Variants in HS6ST3 observed in about 807,000 individuals in gnomAD.
The protein encoded by HS6ST3 is heparan sulfate 6-O-sulfotransferase 3.
Under a neutral mutation model 36.7 loss-of-function variants are expected in HS6ST3, and 12 were observed. That is an observed-to-expected ratio of 0.33 (90% confidence interval 0.21 to 0.53). The LOEUF is 0.53. Ranked by LOEUF, HS6ST3 falls within the 20% of genes least tolerant of loss-of-function variation. The pLI is 0.95. For synonymous variants in HS6ST3, 240 were observed against 257.5 expected, an observed-to-expected ratio of 0.93 and a Z score of 0.65; for missense variants, 584 against 640.9, an observed-to-expected ratio of 0.91 and a Z score of 0.96.
At chr13:96,790,233 A>G (rs1471785298) in intron 1 of HS6ST3, among the ~76,000 whole-genome samples, 2 of 150,308 alleles carry the variant, frequency 1.3e-5, no homozygotes, top group Non-Finnish European at 3.0e-5. Flanking sequence ...ATATTTTTTC[A>G]AACTTTTTCT....
At chr13:96,772,607 T>G (rs1312366450) in intron 1 of HS6ST3, among the ~76,000 whole-genome samples, 1 of 152,218 alleles carries the variant, frequency 6.6e-6, no homozygotes, top group East Asian at 1.9e-4. Flanking sequence ...AAGCACCTTC[T>G]GTGAGCAATG....
At chr13:96,743,373 A>G (rs1002066214) in intron 1 of HS6ST3, among the ~76,000 whole-genome samples, 6 of 152,088 alleles carry the variant, frequency 3.9e-5, no homozygotes, top group East Asian at 1.9e-4. Flanking sequence ...GGCAATCCCA[A>G]TATTGACTTG....
chr13:96,114,645 A>G (rs2053885531), intron 1 of HS6ST3, among the ~76,000 whole-genome samples: 1 of 152,166 alleles, frequency 6.6e-6, no homozygotes, highest in African/African-American at 2.4e-5. Flanking sequence ...TACATGAGCT[A>G]GTGTTTGCAA....
chr13:96,309,794 A>G (rs2054931428), intron 1 of HS6ST3, among the ~76,000 whole-genome samples: 2 of 152,148 alleles, frequency 1.3e-5, no homozygotes, highest in African/African-American at 2.4e-5. Context: ...TCAACACTGT[A>G]TTCAATTTTT....
chr13:96,470,588 C>G (rs1350639007), intron 1 of HS6ST3, among the ~76,000 whole-genome samples: 1 of 152,146 alleles, frequency 6.6e-6, no homozygotes, highest in Admixed American at 6.5e-5. Flanking sequence ...GTATACGCCT[C>G]CCCACTTAGA....
intron 1 of HS6ST3, among the ~76,000 whole-genome samples, chr13:96,406,557 A>G (rs1424933216): frequency 6.6e-6 from 1 of 152,232 alleles, no homozygotes; most frequent in Non-Finnish European, 1.5e-5. Context: ...GGAGCTGTTC[A>G]GCTTAGACAA....
intron 1 of HS6ST3, among the ~76,000 whole-genome samples, chr13:96,711,442 A>G (rs935240198): frequency 1.3e-5 from 2 of 152,240 alleles, no homozygotes; most frequent in Non-Finnish European, 1.5e-5. Flanking sequence ...TAACATTTTA[A>G]CATCTAGATG....
intron 1 of HS6ST3, among the ~76,000 whole-genome samples, chr13:96,651,055 A>G (rs1048361397): frequency 1.3e-5 from 2 of 151,968 alleles, no homozygotes; most frequent in African/African-American, 2.4e-5. Flanking sequence ...ATACCTCCCT[A>G]TTGGCTACTG....
chr13:96,803,640 C>T (rs979358005), intron 1 of HS6ST3, among the ~76,000 whole-genome samples: 3 of 152,140 alleles, frequency 2.0e-5, no homozygotes, highest in Non-Finnish European at 4.4e-5. Context: ...GCAAACAGCC[C>T]TATATTCAAA....
chr13:96,684,131 A>G (rs1194008635), intron 1 of HS6ST3, among the ~76,000 whole-genome samples: 3 of 152,024 alleles, frequency 2.0e-5, no homozygotes, highest in African/African-American at 4.8e-5. Flanking sequence ...TAACTAAGCT[A>G]TTTTGCTCAG....
chr13:96,342,686 G>T (rs1298799624), intron 1 of HS6ST3, among the ~76,000 whole-genome samples: 1 of 152,024 alleles, frequency 6.6e-6, no homozygotes, highest in Non-Finnish European at 1.5e-5. Flanking sequence ...ATTTTCTTTG[G>T]CTCATGGCAC....
At chr13:96,533,779 G>C (rs1477929227) in intron 1 of HS6ST3, among the ~76,000 whole-genome samples, 1 of 152,216 alleles carries the variant, frequency 6.6e-6, no homozygotes, top group Non-Finnish European at 1.5e-5. Flanking sequence ...CCGGCCTTGA[G>C]GTCTTTGCAG....
chr13:96,786,873 C>T (rs200007357), intron 1 of HS6ST3, among the ~76,000 whole-genome samples: 2 of 152,022 alleles, frequency 1.3e-5, no homozygotes, highest in Admixed American at 6.6e-5. Flanking sequence ...TCATGCTACC[C>T]TTTTTAATCA....
At chr13:96,123,296 A>G (rs1183054902) in intron 1 of HS6ST3, among the ~76,000 whole-genome samples, 1 of 152,130 alleles carries the variant, frequency 6.6e-6, no homozygotes, top group Non-Finnish European at 1.5e-5. Context: ...ATTTTTTTAG[A>G]AGAATGGAGT....
chr13:96,601,849 T>C (rs1214995930), intron 1 of HS6ST3, among the ~76,000 whole-genome samples: 3 of 152,158 alleles, frequency 2.0e-5, no homozygotes, highest in Admixed American at 2.0e-4. Flanking sequence ...GCTTTGGATC[T>C]GGGTGCTTTC....
chr13:96,718,959 A>G (rs909471818), intron 1 of HS6ST3, among the ~76,000 whole-genome samples: 8 of 152,096 alleles, frequency 5.3e-5, no homozygotes, highest in African/African-American at 1.4e-4. Flanking sequence ...TCTTTACACA[A>G]TCTTTGAAAT....
chr13:96,507,874 T>C (rs1422223967), intron 1 of HS6ST3, among the ~76,000 whole-genome samples: 4 of 152,094 alleles, frequency 2.6e-5, no homozygotes, highest in Admixed American at 6.6e-5. Context: ...TGAATTTTAC[T>C]TGAAGTTAAC....
chr13:96,243,200 T>C (rs1038892832), intron 1 of HS6ST3, among the ~76,000 whole-genome samples: 2 of 152,234 alleles, frequency 1.3e-5, no homozygotes, highest in Admixed American at 1.3e-4. Flanking sequence ...TAAACACCTT[T>C]GAAGTGCTGC....
At chr13:96,099,671 C>A (rs2139294111) in intron 1 of HS6ST3, among the ~76,000 whole-genome samples, 1 of 152,270 alleles carries the variant, frequency 6.6e-6, no homozygotes, top group East Asian at 1.9e-4. Flanking sequence ...CATAACCTTG[C>A]ATTTGACATT....
Sources: gnomAD v4.1 joint callset for allele counts (sites outside exome capture counted in the v4.1 genomes callset) on GRCh38, gnomAD v4.1.1 for gene constraint, MANE v1.5 for transcripts, NCBI Gene and HGNC (gene_info 2026-07-23, HGNC 2026-07-21) for gene names.